Variants in RNF103 observed in about 807,000 individuals in gnomAD.
RNF103 encodes ring finger protein 103.
RNF103 carries 23 observed loss-of-function variants against 66.2 expected under a neutral mutation model. That is an observed-to-expected ratio of 0.35 (90% CI 0.25 to 0.49). The LOEUF (loss-of-function observed/expected upper bound fraction) is 0.49, where lower values mean the gene tolerates loss of function less well. Ranked by LOEUF, RNF103 falls within the 20% of genes least tolerant of loss-of-function variation. The pLI, the probability that RNF103 is intolerant of heterozygous loss-of-function variation, is 0.98. For synonymous variants in RNF103, 297 were observed against 289.9 expected (o/e 1.02, Z -0.25); for missense variants, 730 against 814.7 (o/e 0.90, Z 1.27).
chr2:86,622,556 C>G, intron 1 of RNF103, 105 bp downstream of exon 1: 1 of 1,124,928 alleles, frequency 8.9e-7, no homozygotes, highest in Non-Finnish European at 1.3e-6. Context: ...GCAGCTTTAA[C>G]GCTTCCAGGA....
At position 86,604,937 on chromosome 2, in the gene RNF103, C is replaced by T. The variant is rs765625023; in HGVS notation, c.964G>A (p.Glu322Lys). 10 of 1,614,092 alleles carry T rather than the reference C, an allele frequency of 6.2e-6. No individual in the cohort carries two copies. The highest frequency in any genetic ancestry group is 4.5e-5 in the East Asian group (2 of 44,868). The change falls in exon 4 of 4, where the codon GAG becomes AAG. Residue 322 changes from glutamate to lysine, a missense_variant. By Grantham distance (56) the Glu-to-Lys change is moderately conservative (BLOSUM62 1). Around this residue, in one of 3 missense-constraint regions of RNF103, gnomAD observed 48 missense variants for 93.0 expected, o/e 0.52. Transcript: ENST00000237455. The part of the protein sequence containing the change: ...MDSFLRSLQP[E>K]VNDLFVLSLV... ...CTCAAAACAAACAGATCATTTACCT[C>T]GGGTTGTAATGAGCGCAAAAATGAA...
rs188768058 is a variant in RNF103, at chr2:86,611,128, T to C, written c.482+1031A>G. On this transcript the variant is annotated intron_variant, in intron 3 of 3. Transcript: ENST00000237455. The stretch of plus-strand genomic sequence containing the variant: ...CCATCAGCTGGAGGTTGCAGTGAGC[T>C]ATGATCACACCACTGCACTACAGCC... Among the ~76,000 whole-genome samples, 21 of 150,886 alleles carry C rather than the reference T, an allele frequency of 1.4e-4. No homozygotes were observed. The East Asian group carries it at 4.1e-3, about 29-fold the overall frequency.
chr2:86,608,103 T>C (rs1678639657), intron 3 of RNF103, among the ~76,000 whole-genome samples: 1 of 152,144 alleles, frequency 6.6e-6, no homozygotes, highest in South Asian at 2.1e-4. Context: ...AACTAAACCT[T>C]TTGAGTTCTC....
At chr2:86,610,339 C>A (rs965520612) in intron 3 of RNF103, among the ~76,000 whole-genome samples, 1 of 152,150 alleles carries the variant, frequency 6.6e-6, no homozygotes, top group Non-Finnish European at 1.5e-5. Context: ...TATCTCTTCA[C>A]CATTTCTCAG....
rs772954462 is a variant in RNF103 at position 86,620,488 on chromosome 2, T to C, written c.227-19A>G. ...AAGTCACCTGAAGAAAGGAAAAGAA[T>C]AACACTAATAAGGTTGCAAGAATCC... On this transcript the variant is annotated intron_variant, in intron 1 of 3. Coordinates refer to ENST00000237455, the MANE Select transcript of RNF103 (RefSeq NM_005667.4). The C allele has an allele frequency of 6.5e-6, 10 of 1,545,350 alleles. No individual in the cohort carries two copies. The East Asian group carries it at 1.1e-4, about 17-fold the overall frequency.
chr2:86,606,480 T>A (rs146318468), intron 3 of RNF103, among the ~76,000 whole-genome samples: 1 of 151,948 alleles, frequency 6.6e-6, no homozygotes, highest in Non-Finnish European at 1.5e-5. Flanking sequence ...CTGGCCAACA[T>A]GGTGAAACCC....
At chr2:86,611,463 C>G (rs1209395623) in intron 3 of RNF103, among the ~76,000 whole-genome samples, 1 of 151,294 alleles carries the variant, frequency 6.6e-6, no homozygotes, top group Non-Finnish European at 1.5e-5. Context: ...AACTTGGTAG[C>G]AAGAGAAATG....
rs1231571486 is a variant in RNF103, at chr2:86,605,294, A to G, written c.607T>C (p.Phe203Leu). Residue 203 changes from phenylalanine (F) to leucine (L), a missense_variant, in exon 4 of 4, where the codon TTT becomes CTT. Transcript: ENST00000237455. ...SGRKIEVEHI[F>L]KWITAHAASR... ...GCTGCATGAGCAGTTATCCATTTAA[A>G]AATGTGCTCTACTTCAATCTTGCGT... is the stretch of plus-strand genomic sequence containing the variant. The G allele has an allele frequency of 6.2e-7, 1 of 1,614,202 alleles. No individual in the cohort carries two copies. Among genetic ancestry groups the G allele is most frequent in the Middle Eastern group, 1.6e-4 (1 of 6,062 alleles).
chr2:86,612,368 A>G, intron 2 of RNF103, 94 bp from the exon 3 acceptor site: 4 of 696,624 alleles, frequency 5.7e-6, no homozygotes, highest in South Asian at 1.8e-5. Flanking sequence ...CTTAAAAAAA[A>G]AGATATTCTG....
chr2:86,617,084 G>T, intron 2 of RNF103: 1 of 985,206 alleles, frequency 1.0e-6, no homozygotes, highest in Non-Finnish European at 1.2e-6. Flanking sequence ...AGAGCACTTG[G>T]TTCTACATGT....
Position 86,604,983 on chromosome 2 carries a change from A to G in RNF103, c.918T>C (p.Phe306=). ...IYRYGNHTGE[F]ISLQAMDSFL... ...ATGAATCCATGGCCTGAAGGGATATAAATTCGCCTGTGTGGTTTCCATACC... is the reference window on the plus strand; with the variant it reads ...ATGAATCCATGGCCTGAAGGGATATGAATTCGCCTGTGTGGTTTCCATACC... The change falls in exon 4 of 4, where the codon TTT becomes TTC. Residue 306 remains phenylalanine (F), a synonymous_variant. Transcript: ENST00000237455. 1 of 1,614,154 alleles carries G rather than the reference A, an allele frequency of 6.2e-7. No individual in the cohort carries two copies. The highest frequency in any genetic ancestry group is 8.5e-7 in the Non-Finnish European group (1 of 1,180,020).
intron 1 of RNF103, among the ~76,000 whole-genome samples, 163 bp from the exon 2 acceptor site, chr2:86,620,632 C>A (rs1363374627): frequency 6.6e-6 from 1 of 152,138 alleles, no homozygotes; most frequent in Non-Finnish European, 1.5e-5. Flanking sequence ...ACTTAGGAGT[C>A]ATACATTCAA....
chr2:86,607,548 C>G (rs953378994), intron 3 of RNF103, among the ~76,000 whole-genome samples: 33 of 152,156 alleles, frequency 2.2e-4, no homozygotes, highest in African/African-American at 7.7e-4. Context: ...CCATTAATAT[C>G]ATTACTGTTT....
chr2:86,620,868 C>T (rs1679204916), intron 1 of RNF103, among the ~76,000 whole-genome samples: 1 of 152,132 alleles, frequency 6.6e-6, no homozygotes. Context: ...GGCTTATATG[C>T]TTCTTACTTA....
At chr2:86,609,456 G>A (rs912983039) in intron 3 of RNF103, among the ~76,000 whole-genome samples, 3 of 147,030 alleles carry the variant, frequency 2.0e-5, no homozygotes, top group Non-Finnish European at 3.0e-5. Flanking sequence ...GTGCAATCTC[G>A]GCTCACTGCA....
intron 2 of RNF103, chr2:86,614,391 C>G (rs1244576469): frequency 6.6e-6 from 1 of 152,150 alleles, no homozygotes; most frequent in African/African-American, 2.4e-5. Context: ...CATTTGAGGT[C>G]AGGAGTTCAA....
chr2:86,607,482 A>G (rs537362829), intron 3 of RNF103, among the ~76,000 whole-genome samples: 2 of 152,324 alleles, frequency 1.3e-5, no homozygotes, highest in African/African-American at 4.8e-5. Flanking sequence ...TCAAAATCAC[A>G]GACTGTGACT....
At position 86,623,496 on chromosome 2, in the gene RNF103, C is replaced by T. The variant is rs1679321340; in HGVS notation, c.-610G>A. 4.1e-6 allele frequency: 4 copies of T among 983,268 alleles called. No homozygotes were observed. Among genetic ancestry groups the T allele is most frequent in the Non-Finnish European group, 4.8e-6 (4 of 829,276 alleles). The allele number at this position is 983,268 out of a possible 1,614,324, so 60.9% of individuals were successfully genotyped here. A position where few individuals can be genotyped will look rare whatever the true frequency, so the allele number is the denominator to read the frequency against. On this transcript the variant is annotated 5_prime_UTR_variant, in exon 1 of 4. Transcript: ENST00000237455. ...CGCAACGCCGCGCCCGAAGCCCAGGCCCCAGGCCCCGCCGACCGCCCAGGC... is the reference window on the plus strand; with the variant it reads ...CGCAACGCCGCGCCCGAAGCCCAGGTCCCAGGCCCCGCCGACCGCCCAGGC...
chr2:86,606,628 A>T (rs1413205127), intron 3 of RNF103, among the ~76,000 whole-genome samples: 5 of 142,434 alleles, frequency 3.5e-5, no homozygotes, highest in Non-Finnish European at 1.5e-5. Context: ...ACGCCACTGC[A>T]CTCCAGCCTG....
Sources: gnomAD v4.1 joint callset for allele counts (sites outside exome capture counted in the v4.1 genomes callset) on GRCh38, gnomAD v4.1.1 for gene constraint, gnomAD v4.1.1 regional missense constraint, MANE v1.5 for transcripts, NCBI Gene and HGNC (gene_info 2026-07-23, HGNC 2026-07-21) for gene names.